The following CHKA variants were observed in gnomAD, a reference collection of about 807,000 sequenced individuals.
CHKA encodes the protein CHETK-alpha.
Under a neutral mutation model 60.1 loss-of-function variants are expected in CHKA, and 34 were observed. That is an observed-to-expected ratio of 0.57 (90% CI 0.43 to 0.75). The LOEUF is 0.75. Among genes scored for constraint, CHKA ranks in the 30% least tolerant of loss-of-function variants. The pLI is 0.00. For synonymous variants in CHKA, 217 were observed against 223.1 expected, an observed-to-expected ratio of 0.97 and a Z score of 0.24; for missense variants, 563 against 561.3, an observed-to-expected ratio of 1.00 and a Z score of -0.03.
intron 2 of CHKA, among the ~76,000 whole-genome samples, chr11:68,092,727 C>T (rs1167943851): frequency 3.4e-4 from 51 of 152,160 alleles, no homozygotes; most frequent in Admixed American, 3.3e-3. Flanking sequence ...ACAAGTATGA[C>T]TGCTAAACTC....
In CHKA at chr11:68,121,328, T is replaced by G. The variant is rs1191731753; in HGVS notation, c.-151A>C. 5.3e-5 allele frequency: 15 copies of G among 281,026 alleles called. No individual in the cohort carries two copies. Among genetic ancestry groups the G allele is most frequent in the African/African-American group, 2.6e-4 (11 of 43,000 alleles). The allele number at this position is 281,026 out of a possible 1,614,324, so 17.4% of individuals were successfully genotyped here. On this transcript the variant is annotated 5_prime_UTR_variant, in exon 1 of 12. Coordinates refer to ENST00000265689, the MANE Select transcript of CHKA (RefSeq NM_001277.3). ...GGGCGCGCGGGGCGGCGGCGGCGGC[T>G]GCGGCGACTGCGGCGACTGTGGAGC...
At chr11:68,093,057 C>CA in intron 2 of CHKA, among the ~76,000 whole-genome samples, 1 of 146,072 alleles carries the variant, frequency 6.8e-6, no homozygotes, top group South Asian at 2.1e-4. Context: ...CCCCAGGCTG[C>CA]AGTGCAGTGG....
chr11:68,109,025 A>G (rs796647921), intron 1 of CHKA, among the ~76,000 whole-genome samples: 667 of 30,544 alleles, frequency 0.022, 1 homozygote, highest in Admixed American at 0.033. Context: ...GAGGGGGGGA[A>G]AAAATCCCTT....
At chr11:68,119,146 A>T (rs968992982) in intron 1 of CHKA, among the ~76,000 whole-genome samples, 4 of 152,110 alleles carry the variant, frequency 2.6e-5, no homozygotes, top group Admixed American at 1.3e-4. Context: ...AGAGAGCTGA[A>T]TTTTTTTTAA....
chr11:68,117,582 G>A (rs940084225), intron 1 of CHKA, among the ~76,000 whole-genome samples: 1 of 152,078 alleles, frequency 6.6e-6, no homozygotes, highest in East Asian at 1.9e-4. Context: ...AGCTACTCGG[G>A]AGGCTGAGGC....
At chr11:68,074,852 C>T (rs1565178528) in intron 3 of CHKA, 22 bp from the exon 4 acceptor site, 7 of 1,610,854 alleles carry the variant, frequency 4.3e-6, no homozygotes, top group Non-Finnish European at 5.9e-6. Flanking sequence ...GGCAACAAAT[C>T]AGGTGTTTAC....
intron 2 of CHKA, among the ~76,000 whole-genome samples, chr11:68,095,819 A>G (rs1442053511): frequency 6.6e-6 from 1 of 150,546 alleles, no homozygotes; most frequent in African/African-American, 2.4e-5. Context: ...AGGCGGGCAG[A>G]TCACCTGAGG....
intron 1 of CHKA, among the ~76,000 whole-genome samples, chr11:68,107,821 C>CT (rs1857971917): frequency 6.6e-6 from 1 of 152,220 alleles, no homozygotes; most frequent in Non-Finnish European, 1.5e-5. Context: ...CTCCCTCCCA[C>CT]TTTCTCATAA....
chr11:68,062,171 T>C (rs767227890), intron 10 of CHKA, 137 bp from the exon 11 acceptor site: 140 of 643,390 alleles, frequency 2.2e-4, no homozygotes, highest in Non-Finnish European at 3.4e-4. Flanking sequence ...CATGGGTCTA[T>C]ATTCCACGGG....
rs185174605 is a variant in CHKA at position 68,121,342 on chromosome 11, C to G, written c.-165G>C. 6.2e-6 allele frequency: 2 copies of G among 322,396 alleles called. No individual in the cohort carries two copies. Among genetic ancestry groups the G allele is most frequent in the Non-Finnish European group, 9.2e-6 (2 of 218,410 alleles). 20.0% of individuals were successfully genotyped at this position (322,396 alleles called of 1,614,324 possible). A position where few individuals can be genotyped will look rare whatever the true frequency, so the allele number is the denominator to read the frequency against. ...GCGGCGGCGGCTGCGGCGACTGCGG[C>G]GACTGTGGAGCGGGGATGTGCTGCT... On this transcript the variant is annotated 5_prime_UTR_variant, in exon 1 of 12. Coordinates refer to ENST00000265689, the MANE Select transcript of CHKA (RefSeq NM_001277.3).
At chr11:68,075,619 C>G (rs146087775) in intron 3 of CHKA, among the ~76,000 whole-genome samples, 1 of 152,150 alleles carries the variant, frequency 6.6e-6, no homozygotes, top group East Asian at 1.9e-4. Flanking sequence ...TCACGCTTAC[C>G]CAGAGGTCCA....
intron 4 of CHKA, 108 bp from the exon 5 acceptor site, chr11:68,070,965 C>T (rs964078345): frequency 3.8e-6 from 4 of 1,047,694 alleles, no homozygotes; most frequent in South Asian, 1.7e-5. Context: ...ATTTAAGTCT[C>T]ACCCAATGCC....
At chr11:68,071,903 T>C (rs1468590084) in intron 4 of CHKA, among the ~76,000 whole-genome samples, 3 of 152,286 alleles carry the variant, frequency 2.0e-5, no homozygotes, top group South Asian at 2.1e-4. Flanking sequence ...ACTGTAAGCA[T>C]TGGACTCAAC....
At chr11:68,058,815 G>A (rs1184517523) in intron 11 of CHKA, among the ~76,000 whole-genome samples, 5 of 152,178 alleles carry the variant, frequency 3.3e-5, no homozygotes, top group African/African-American at 4.8e-5. Context: ...GAGAACAGGC[G>A]TCCTTGCATG....
chr11:68,081,529 CAG>C, intron 2 of CHKA, 72 bp from the exon 3 acceptor site: 1 of 1,199,454 alleles, frequency 8.3e-7, no homozygotes, highest in South Asian at 1.2e-5. Flanking sequence ...TTGCAACCAC[CAG>C]AACAGTCAGG....
At chr11:68,110,966 C>G (rs1190320216) in intron 1 of CHKA, among the ~76,000 whole-genome samples, 1 of 150,622 alleles carries the variant, frequency 6.6e-6, no homozygotes, top group East Asian at 2.0e-4. Flanking sequence ...CCACTGCACT[C>G]CAGCCTGGGC....
chr11:68,068,097 A>G (rs1460937784), intron 7 of CHKA, among the ~76,000 whole-genome samples: 1 of 152,202 alleles, frequency 6.6e-6, no homozygotes, highest in Non-Finnish European at 1.5e-5. Context: ...ACAGTAAGGA[A>G]CATATCACTG....
rs774890270 is a variant in CHKA at position 68,068,940 on chromosome 11, G to A, written c.870-3C>T. ...ATGGAGTAGATTCAAGCAATGATCT[G>A]AAAAGAAAGGTTTCACTGTTACCCA... On this transcript the variant is annotated splice_polypyrimidine_tract_variant and splice_region_variant and intron_variant, in intron 6 of 11. Coordinates refer to ENST00000265689, the MANE Select transcript of CHKA (RefSeq NM_001277.3). 6.2e-7 allele frequency: 1 copy of A among 1,610,184 alleles called. No homozygotes were observed.
chr11:68,119,208 C>T (rs919032930), intron 1 of CHKA, among the ~76,000 whole-genome samples: 1 of 152,192 alleles, frequency 6.6e-6, no homozygotes, highest in African/African-American at 2.4e-5. Context: ...TTTCTTTTCT[C>T]TGCTTCCTTA....
Sources: gnomAD v4.1 joint callset for allele counts (sites outside exome capture counted in the v4.1 genomes callset) on GRCh38, gnomAD v4.1.1 for gene constraint, MANE v1.5 for transcripts, NCBI Gene and HGNC (gene_info 2026-07-23, HGNC 2026-07-21) for gene names.